MCC: variants seen among roughly 807,000 people sequenced by gnomAD.
MCC encodes the protein MCC regulator of Wnt signaling pathway.
In MCC, 90 loss-of-function variants were observed where a neutral mutation model predicts 116.2. The ratio of observed to expected loss-of-function variants is 0.77; its 90% CI spans 0.65 to 0.92. MCC has a LOEUF of 0.92. Among genes scored for constraint, MCC ranks in the 40% least tolerant of loss-of-function variants. The pLI, the probability that MCC is intolerant of heterozygous loss-of-function variation, is 0.00. For synonymous variants in MCC, 578 were observed against 510.5 expected (o/e 1.13, Z -1.78); for missense variants, 1,516 against 1,312.2 (o/e 1.16, Z -2.40).
intron 1 of MCC, among the ~76,000 whole-genome samples, chr5:113,440,444 G>A (rs1771001611): frequency 6.6e-6 from 1 of 152,084 alleles, no homozygotes; most frequent in South Asian, 2.1e-4. Context: ...ACTCTATAGT[G>A]TATTTCATTT....
chr5:113,263,795 C>A (rs567886155), intron 3 of MCC, among the ~76,000 whole-genome samples: 1 of 152,238 alleles, frequency 6.6e-6, no homozygotes, highest in African/African-American at 2.4e-5. Flanking sequence ...TGGCAGAAAG[C>A]AGCTGGACTC....
intron 3 of MCC, among the ~76,000 whole-genome samples, chr5:113,165,693 C>T (rs2150300151): frequency 6.6e-6 from 1 of 152,234 alleles, no homozygotes; most frequent in South Asian, 2.1e-4. Context: ...TTGGTTGTTT[C>T]TGACTTTCTC....
intron 3 of MCC, among the ~76,000 whole-genome samples, chr5:113,325,729 A>G (rs1370050943): frequency 6.7e-6 from 1 of 149,966 alleles, no homozygotes; most frequent in African/African-American, 2.5e-5. Context: ...AAGAACATAA[A>G]CCTATATTTT....
chr5:113,181,991 C>A (rs1761653618), intron 3 of MCC, among the ~76,000 whole-genome samples: 1 of 152,118 alleles, frequency 6.6e-6, no homozygotes, highest in African/African-American at 2.4e-5. Flanking sequence ...CACAGCTGAG[C>A]CAGGCCCTGA....
chr5:113,038,159 A>G (rs910753223), intron 17 of MCC, among the ~76,000 whole-genome samples: 2 of 151,218 alleles, frequency 1.3e-5, no homozygotes, highest in African/African-American at 4.8e-5. Context: ...TCATTAGGAG[A>G]AGGGGATTTT....
At chr5:113,163,199 T>C (rs1354175465) in intron 3 of MCC, among the ~76,000 whole-genome samples, 2 of 152,074 alleles carry the variant, frequency 1.3e-5, no homozygotes, top group Non-Finnish European at 2.9e-5. Context: ...CCAAAATCAA[T>C]TTCCATAAAA....
intron 13 of MCC, among the ~76,000 whole-genome samples, chr5:113,067,064 C>T: frequency 6.6e-6 from 1 of 152,234 alleles, no homozygotes; most frequent in Non-Finnish European, 1.5e-5. Context: ...GAGCCACAAT[C>T]ACTGGCCACG....
At chr5:113,415,621 G>T (rs901211732) in intron 1 of MCC, among the ~76,000 whole-genome samples, 2 of 152,130 alleles carry the variant, frequency 1.3e-5, no homozygotes, top group Non-Finnish European at 2.9e-5. Context: ...GCTCCATCAG[G>T]TCATTTAAGG....
chr5:113,277,247 A>T (rs1441886470), intron 3 of MCC, among the ~76,000 whole-genome samples: 3 of 151,904 alleles, frequency 2.0e-5, no homozygotes, highest in Non-Finnish European at 4.4e-5. Flanking sequence ...GGGCACCTGT[A>T]ATCCCAGCTA....
chr5:113,207,860 G>A (rs1321243493), intron 3 of MCC, among the ~76,000 whole-genome samples: 4 of 152,120 alleles, frequency 2.6e-5, no homozygotes, highest in African/African-American at 9.7e-5. Flanking sequence ...TCCTTCCCCT[G>A]GAGGCCACGT....
In MCC at chr5:113,236,045, G is replaced by T. The variant is rs185394835; in HGVS notation, c.628-84623C>A. ...GTAGGTCGGATTTCCTCATGTTCAG[G>T]TTGGGCCCCTTGGGTGCCTTTGAAG... On this transcript the variant is annotated intron_variant, in intron 3 of 18. Transcript: ENST00000408903. 2.1e-3 allele frequency among the ~76,000 whole-genome samples: 316 copies of T among 152,290 alleles called. 8 individuals carry two copies. In the East Asian group the frequency reaches 0.053, roughly 26 times the overall value.
intron 1 of MCC, among the ~76,000 whole-genome samples, chr5:113,388,624 T>C (rs558698554): frequency 6.6e-6 from 1 of 152,294 alleles, no homozygotes; most frequent in Admixed American, 6.5e-5. Context: ...CTGGTTCCCC[T>C]TTGCCTTCCG....
At position 113,373,273 on chromosome 5, in the gene MCC, CCACAA is replaced by C. The variant is rs1437118174; in HGVS notation, c.415+11690_415+11694del. On this transcript the variant is annotated intron_variant, in intron 2 of 18. Coordinates refer to ENST00000408903, the MANE Select transcript of MCC (RefSeq NM_001085377.2). ...GAGTTGTTTCAATGAATGAAGGTGT[CCACAA>C]CACAATTCTGCATGTGACATACTCT... Among the ~76,000 whole-genome samples, 8 of 152,024 alleles carry C rather than the reference CCACAA, an allele frequency of 5.3e-5. No individual in the cohort carries two copies. In the South Asian group the frequency reaches 1.7e-3, roughly 32 times the overall value.
intron 3 of MCC, among the ~76,000 whole-genome samples, chr5:113,252,280 A>T (rs1275793453): frequency 6.6e-6 from 1 of 152,188 alleles, no homozygotes; most frequent in Non-Finnish European, 1.5e-5. Context: ...GCAAAGCAGG[A>T]GGTGAGTGGT....
At chr5:113,395,442 G>A (rs951040786) in intron 1 of MCC, among the ~76,000 whole-genome samples, 4 of 152,150 alleles carry the variant, frequency 2.6e-5, no homozygotes, top group Non-Finnish European at 5.9e-5. Context: ...AAAGAAGATA[G>A]CTACAGATAA....
rs113371821 is a variant in MCC, at chr5:113,346,309, G to C, written c.416-5579C>G. Among the ~76,000 whole-genome samples, 148 of 152,216 alleles carry C rather than the reference G, an allele frequency of 9.7e-4. 2 individuals carry two copies. The highest frequency in any genetic ancestry group is 3.3e-3 in the African/African-American group (139 of 41,540). On this transcript the variant is annotated intron_variant, in intron 2 of 18. Coordinates refer to ENST00000408903, the MANE Select transcript of MCC (RefSeq NM_001085377.2). ...CAGAGATAGGGGTAGAAAGTTTATT[G>C]AAAGGAGGTGGGGCACAGTGGCTTA...
intron 3 of MCC, among the ~76,000 whole-genome samples, chr5:113,227,778 T>C (rs954609464): frequency 1.3e-5 from 2 of 152,188 alleles, no homozygotes; most frequent in Admixed American, 6.5e-5. Context: ...TCCATTCCTA[T>C]AATAAAAGTA....
At chr5:113,460,820 G>A (rs754664091) in intron 1 of MCC, among the ~76,000 whole-genome samples, 11 of 152,214 alleles carry the variant, frequency 7.2e-5, no homozygotes, top group Admixed American at 4.6e-4. Flanking sequence ...CCGTTTGTCA[G>A]AAACGTAGAA....
chr5:113,104,327 C>T lies in MCC; in HGVS notation c.1056G>A (p.Leu352=). The part of the protein sequence containing the change: ...MDNCSDLNSE[L]QRVLTGLENV... ...TCTCCAGCCCTGTCAGCACCCTCTG[C>T]AGTTCTGAGTTCAGGTCACTGCAGT... Residue 352 remains leucine (L), a synonymous_variant, in exon 7 of 19, where the codon CTG becomes CTA. Coordinates refer to ENST00000408903, the MANE Select transcript of MCC (RefSeq NM_001085377.2). 6.2e-7 allele frequency: 1 copy of T among 1,613,430 alleles called. No homozygotes were observed. Among genetic ancestry groups the T allele is most frequent in the Non-Finnish European group, 8.5e-7 (1 of 1,179,802 alleles).
Sources: allele counts gnomAD v4.1 joint callset (sites outside exome capture counted in the v4.1 genomes callset), GRCh38; gene constraint gnomAD v4.1.1; transcripts MANE v1.5; gene names NCBI Gene and HGNC (gene_info 2026-07-23, HGNC 2026-07-21).